ITFG2: variants seen among roughly 807,000 people sequenced by gnomAD.
The protein encoded by ITFG2 is KICSTOR complex protein ITFG2.
ITFG2 carries 36 observed loss-of-function variants against 54.4 expected under a neutral mutation model. The observed-to-expected ratio is 0.66, with a 90% confidence interval of 0.51 to 0.87. The LOEUF is 0.87. Ranked by LOEUF, ITFG2 falls within the 40% of genes least tolerant of loss-of-function variation. The probability of loss-of-function intolerance (pLI) is 0.00; values close to 1 mark genes in which losing one functional copy is unlikely to be tolerated. For missense variants in ITFG2, 524 were observed against 576.7 expected, an observed-to-expected ratio of 0.91 and a Z score of 0.94; for synonymous variants, 211 against 225.4, an observed-to-expected ratio of 0.94 and a Z score of 0.57.
At chr12:2,835,271 G>T (rs3814248), upstream of ITFG2, 234 of 940,834 alleles carry the variant, frequency 2.5e-4, 3 homozygotes, top group East Asian at 0.022. Flanking sequence ...GCGAGGAAGC[G>T]CTTGTCACTG....
intron 10 of ITFG2, 124 bp downstream of exon 10, chr12:2,823,035 T>C: frequency 1.4e-6 from 1 of 727,330 alleles, no homozygotes; most frequent in South Asian, 1.7e-5. Context: ...AAGTCTTCAT[T>C]CACCAGTGAG....
chr12:2,818,350 T>TG, intron 4 of ITFG2, 73 bp downstream of exon 4: 1 of 1,591,726 alleles, frequency 6.3e-7, no homozygotes, highest in African/African-American at 1.3e-5. Flanking sequence ...CCCAAGGGAT[T>TG]GGGGTGAGAG....
upstream of ITFG2, chr12:2,835,120 C>T (rs1008531127): frequency 2.3e-5 from 33 of 1,430,528 alleles, no homozygotes; most frequent in Admixed American, 5.8e-5. Context: ...GCATCCCCAA[C>T]GCTGGGGTCC....
intron 7 of ITFG2, 55 bp from the exon 8 acceptor site, chr12:2,821,488 C>T (rs2097944263): frequency 6.3e-7 from 1 of 1,595,578 alleles, no homozygotes; most frequent in Non-Finnish European, 8.6e-7. Flanking sequence ...ACCCCTCTCC[C>T]CGTAGGCTCT....
At chr12:2,816,572 G>A (rs1239434391) in intron 1 of ITFG2, among the ~76,000 whole-genome samples, 11 of 150,688 alleles carry the variant, frequency 7.3e-5, no homozygotes, top group Non-Finnish European at 1.0e-4. Context: ...CTCATGATCC[G>A]CCCGCCTTGG....
At chr12:2,855,162 A>G (rs1341135506) in intron 2 of ITFG2, 3 of 1,523,008 alleles carry the variant, frequency 2.0e-6, no homozygotes, top group Non-Finnish European at 2.6e-6. Context: ...AGCGCCAGAC[A>G]TTGCTATCGT....
upstream of ITFG2, chr12:2,835,023 C>T (rs1475771285): frequency 6.6e-7 from 1 of 1,505,844 alleles, no homozygotes. Context: ...CCCGAGATTG[C>T]TGTAGAGGGA....
upstream of ITFG2, chr12:2,834,836 C>T: frequency 6.2e-7 from 1 of 1,613,718 alleles, no homozygotes; most frequent in Non-Finnish European, 8.5e-7. Context: ...GTGCTCATGG[C>T]CCCTGCTGGA....
At chr12:2,857,164 T>TTGGGCC (rs2098090064) in intron 2 of ITFG2, 4 of 682,782 alleles carry the variant, frequency 5.9e-6, no homozygotes, top group Non-Finnish European at 1.1e-5. Flanking sequence ...CCCTGGAGCC[T>TTGGGCC]CTTGTGACCC....
intron 2 of ITFG2, among the ~76,000 whole-genome samples, chr12:2,843,582 G>T (rs766902293): frequency 1.5e-4 from 23 of 152,138 alleles, no homozygotes; most frequent in Non-Finnish European, 3.1e-4. Context: ...GGATGCCGAG[G>T]TGGGTGGATC....
chr12:2,849,432 G>A (rs1168394542), intron 2 of ITFG2: 1 of 1,536,078 alleles, frequency 6.5e-7, no homozygotes, highest in South Asian at 1.2e-5. Context: ...GGTTTGGGCA[G>A]GGCCAGCTCC....
chr12:2,820,065 T>C (rs944919907), intron 4 of ITFG2, 21 bp from the exon 5 acceptor site: 18 of 1,594,710 alleles, frequency 1.1e-5, no homozygotes, highest in African/African-American at 1.3e-5. Context: ...CCAGAGCCCA[T>C]CTTGTCTTTC....
chr12:2,816,240 A>C (rs1397172312), intron 1 of ITFG2, among the ~76,000 whole-genome samples: 1 of 151,436 alleles, frequency 6.6e-6, no homozygotes, highest in Non-Finnish European at 1.5e-5. Flanking sequence ...CATGTTGGCC[A>C]GGCTGGTCTC....
chr12:2,817,466 C>G, intron 2 of ITFG2, 148 bp downstream of exon 2: 2 of 608,170 alleles, frequency 3.3e-6, no homozygotes, highest in Non-Finnish European at 5.8e-6. Flanking sequence ...CAATTTGATT[C>G]AGGGAGGGCA....
At chr12:2,858,921 A>T (rs563190488) in intron 3 of ITFG2, 2 of 1,613,536 alleles carry the variant, frequency 1.2e-6, no homozygotes, top group East Asian at 2.2e-5. Flanking sequence ...CGGTGATTCA[A>T]GGGGGGGAGC....
chr12:2,830,735 C>T (rs775325636), intron 2 of ITFG2: 1 of 1,613,252 alleles, frequency 6.2e-7, no homozygotes, highest in Non-Finnish European at 8.5e-7. Context: ...GAGCTGGAAT[C>T]TCTGTCCTGC....
upstream of ITFG2, chr12:2,834,993 G>A (rs772208913): frequency 6.5e-7 from 1 of 1,548,022 alleles, no homozygotes; most frequent in South Asian, 1.2e-5. Flanking sequence ...TGCAGGAGCA[G>A]CCGCGTCAGT....
chr12:2,855,439 T>C lies in ITFG2; in HGVS notation n.301-2573T>C. ...GGAGGGTGGGAGGGACTCGCTGGCC[T>C]GGACCATCTAGGGAGAGACAAAAGG... On this transcript the variant is annotated intron_variant and non_coding_transcript_variant, in intron 2 of 3. Transcript: ENST00000537710. 2 of 1,466,690 alleles carry C rather than the reference T, an allele frequency of 1.4e-6. 1 individual carries two copies. Among genetic ancestry groups the C allele is most frequent in the South Asian group, 2.7e-5 (2 of 73,854 alleles). 90.9% of individuals were successfully genotyped at this position (1,466,690 alleles called of 1,614,324 possible).
chr12:2,823,440 T>A (rs1463150149), intron 10 of ITFG2, among the ~76,000 whole-genome samples: 1 of 152,214 alleles, frequency 6.6e-6, no homozygotes, highest in African/African-American at 2.4e-5. Flanking sequence ...CTGATCGTGT[T>A]TTGCTAGTCT....
Sources: gnomAD v4.1 joint callset for allele counts (sites outside exome capture counted in the v4.1 genomes callset) on GRCh38, gnomAD v4.1.1 for gene constraint, MANE v1.5 for transcripts, NCBI Gene and HGNC (gene_info 2026-07-23, HGNC 2026-07-21) for gene names.